The following SHANK1 variants were observed in gnomAD, a reference collection of about 807,000 sequenced individuals.
The protein encoded by SHANK1 is SH3 and multiple ankyrin repeat domains protein 1.
A neutral mutation model predicts 165.6 loss-of-function variants in SHANK1; 35 were observed. The ratio of observed to expected loss-of-function variants is 0.21; its 90% confidence interval spans 0.16 to 0.28. The LOEUF is 0.28. Among genes scored for constraint, SHANK1 ranks in the 10% least tolerant of loss-of-function variants. SHANK1 has a pLI of 1.00. For missense variants in SHANK1, 2,681 were observed against 3,036.4 expected, an observed-to-expected ratio of 0.88 and a Z score of 2.75; for synonymous variants, 1,428 against 1,384.8, an observed-to-expected ratio of 1.03 and a Z score of -0.69.
intron 7 of SHANK1, 44 bp from the exon 8 acceptor site, chr19:50,711,531 G>A (rs755461433): frequency 4.9e-6 from 7 of 1,415,202 alleles, no homozygotes; most frequent in East Asian, 4.9e-5. Flanking sequence ...GACCCAGGCT[G>A]TTCTCCCTCT....
chr19:50,703,441 G>A (rs955001052), intron 11 of SHANK1, 59 bp downstream of exon 11: 36 of 1,434,056 alleles, frequency 2.5e-5, no homozygotes, highest in Non-Finnish European at 2.7e-5. Flanking sequence ...GGAAGCCGCC[G>A]ATCTGGAGAG....
chr19:50,689,001 G>C (rs769998003), intron 16 of SHANK1, 33 bp from the exon 17 acceptor site: 59 of 1,477,352 alleles, frequency 4.0e-5, no homozygotes, highest in Admixed American at 6.0e-5. Context: ...GGGGTCGGAG[G>C]GGAGGGGGTG....
rs2089099057 is a variant in SHANK1 at position 50,718,831 on chromosome 19, C to T, written c.-44+575G>A. 2.9e-5 allele frequency among the ~76,000 whole-genome samples: 3 copies of T among 103,108 alleles called. No individual in the cohort carries two copies. The highest frequency in any genetic ancestry group is 6.1e-5 in the Non-Finnish European group (3 of 49,350). 67.6% of individuals were successfully genotyped at this position (103,108 alleles called of 152,430 possible). ...GAGAGGGGCGGGGGGCACCGGGGAG[C>T]AGGAGTCGGGGGCGGGAGCCGAGGG... On this transcript the variant is annotated intron_variant, in intron 1 of 23. Coordinates refer to ENST00000293441, the MANE Select transcript of SHANK1 (RefSeq NM_016148.5). This position sits in a 1 kb window ranked among gnomAD's most constrained non-coding sequence, Gnocchi z 5.1.
intron 16 of SHANK1, 98 bp from the exon 17 acceptor site, chr19:50,689,066 G>C: frequency 8.9e-7 from 1 of 1,124,136 alleles, no homozygotes; most frequent in Non-Finnish European, 1.3e-6. Context: ...CCTCACCGCA[G>C]CTGAGGGACC....
At chr19:50,669,421 C>A in intron 22 of SHANK1, 136 bp from the exon 23 acceptor site, 1 of 643,112 alleles carries the variant, frequency 1.6e-6, no homozygotes, top group Admixed American at 2.6e-5. Context: ...GTGGACTCGC[C>A]CAGCTCTTCC....
intron 8 of SHANK1, among the ~76,000 whole-genome samples, chr19:50,705,341 C>CA (rs555682847): frequency 1.3e-4 from 19 of 150,130 alleles, no homozygotes; most frequent in South Asian, 2.1e-4. Context: ...GACTCTGTCT[C>CA]AAAAAAAAAT....
Position 50,668,359 on chromosome 19 carries a change from C to G in SHANK1, c.3601G>C (p.Ala1201Pro). The change falls in exon 23 of 24, where the codon GCC (alanine) becomes CCC (proline). Residue 1201 changes from alanine to proline, a missense_variant. This residue lies in a region of SHANK1 where 1,713 missense variants were observed against 1,630.2 expected (regional missense o/e 1.05). Coordinates refer to ENST00000293441, the MANE Select transcript of SHANK1 (RefSeq NM_016148.5). ...GGGGGSSPSP[A>P]PAMSPVPPSP... The stretch of plus-strand genomic sequence containing the variant: ...GGGGGCACGGGTGACATGGCCGGGG[C>G]GGGGCTGGGCGAGGAGCCGCCGCCG... 4.0e-6 allele frequency: 5 copies of G among 1,235,890 alleles called. No homozygotes were observed. Among genetic ancestry groups the G allele is most frequent in the Non-Finnish European group, 5.1e-6 (5 of 985,382 alleles). 76.6% of individuals were successfully genotyped at this position (1,235,890 alleles called of 1,614,324 possible).
rs1280693525 is a variant in SHANK1 at position 50,697,983 on chromosome 19, C to A, written c.1748-27G>T. 6.6e-7 allele frequency: 1 copy of A among 1,517,008 alleles called. No homozygotes were observed. The allele number at this position is 1,517,008 out of a possible 1,614,324, so 94.0% of individuals were successfully genotyped here. The stretch of plus-strand genomic sequence containing the variant: ...TGGATGGGGAACGGGGACATAGAGA[C>A]ATTTCTGTGTTTCTGTGCTGCCCCT... On this transcript the variant is annotated intron_variant, in intron 12 of 23. Coordinates refer to ENST00000293441, the MANE Select transcript of SHANK1 (RefSeq NM_016148.5). The surrounding 1 kb of genome is among the most constrained non-coding windows in gnomAD (Gnocchi z 4.7).
intron 22 of SHANK1, among the ~76,000 whole-genome samples, 159 bp downstream of exon 22, chr19:50,671,859 C>A (rs1379079779): frequency 1.3e-5 from 2 of 152,168 alleles, no homozygotes; most frequent in Non-Finnish European, 2.9e-5. Context: ...GGATTCATGG[C>A]CAAGTTCACC....
At chr19:50,704,328 A>C in intron 9 of SHANK1, 109 bp downstream of exon 9, 1 of 1,328,330 alleles carries the variant, frequency 7.5e-7, no homozygotes, top group South Asian at 1.2e-5. Context: ...CTCCCCCTCC[A>C]CGGCCTGTCT....
At chr19:50,689,309 T>A (rs765799839) in intron 15 of SHANK1, 30 bp from the exon 16 acceptor site, 14 of 1,037,150 alleles carry the variant, frequency 1.3e-5, no homozygotes, top group South Asian at 1.2e-4. Flanking sequence ...AATGGGGGGG[T>A]GGTGGGGGGA....
chr19:50,704,882 G>A (rs1333234702), intron 8 of SHANK1, among the ~76,000 whole-genome samples: 3 of 151,270 alleles, frequency 2.0e-5, no homozygotes, highest in East Asian at 2.0e-4. Context: ...GACGCCCCCC[G>A]TCTCTACAAA....
intron 15 of SHANK1, among the ~76,000 whole-genome samples, chr19:50,689,618 C>T (rs1986480534): frequency 6.6e-6 from 1 of 152,176 alleles, no homozygotes; most frequent in African/African-American, 2.4e-5. Flanking sequence ...CTGCTAGTCA[C>T]TTCCTGCCTA....
Position 50,713,840 on chromosome 19 carries a change from T to C in SHANK1, c.750A>G (p.Ala250=), listed in dbSNP as rs2089037421. Residue 250 remains alanine, a synonymous_variant, in exon 6 of 24, where the codon GCA becomes GCG. Coordinates refer to ENST00000293441, the MANE Select transcript of SHANK1 (RefSeq NM_016148.5). The surrounding 1 kb of genome is among the most constrained non-coding windows in gnomAD (Gnocchi z 6.2). ...GTCGGGCGCATGCGGCCTTATGCAG[T>C]GCGGTCATGCCATCCCGGGCCCGGA... is the stretch of plus-strand genomic sequence containing the variant. ...IDFRARDGMT[A]LHKAACARHC... 1 of 1,613,728 alleles carries C rather than the reference T, an allele frequency of 6.2e-7. No individual in the cohort carries two copies. Among genetic ancestry groups the C allele is most frequent in the Non-Finnish European group, 8.5e-7 (1 of 1,179,996 alleles).
intron 23 of SHANK1, among the ~76,000 whole-genome samples, chr19:50,664,133 T>C (rs1985388898): frequency 6.6e-6 from 1 of 151,036 alleles, no homozygotes; most frequent in Non-Finnish European, 1.5e-5. Context: ...TTTTTTTTTT[T>C]TTTTCAACCT....
chr19:50,677,271 G>A (rs748991739), intron 21 of SHANK1, among the ~76,000 whole-genome samples: 1 of 151,812 alleles, frequency 6.6e-6, no homozygotes, highest in Non-Finnish European at 1.5e-5. Context: ...GAGACTATAG[G>A]TTCCCACCAC....
In SHANK1 at chr19:50,671,934, CA is replaced by C. The variant is rs1985806079; in HGVS notation, c.2674+83del. ...CTATGGTCTCTCTGGGAGCACAGAA[CA>C]TTTCCAAGTCTGCTTGCTTTTCCTG... On this transcript the variant is annotated intron_variant, in intron 22 of 23. Transcript: ENST00000293441. The C allele has an allele frequency of 4.8e-5, 50 of 1,032,370 alleles. No individual in the cohort carries two copies. The East Asian group carries it at 1.3e-3, about 26-fold the overall frequency. The allele number at this position is 1,032,370 out of a possible 1,614,324, so 64.0% of individuals were successfully genotyped here.
intron 12 of SHANK1, among the ~76,000 whole-genome samples, chr19:50,698,337 C>A (rs1403498902): frequency 1.3e-5 from 2 of 152,148 alleles, no homozygotes; most frequent in African/African-American, 2.4e-5. Context: ...TTCTACCTCA[C>A]CCTCCCATCA....
At chr19:50,693,231 C>T (rs919417180) in intron 15 of SHANK1, among the ~76,000 whole-genome samples, 2 of 142,054 alleles carry the variant, frequency 1.4e-5, no homozygotes, top group Admixed American at 1.4e-4. Context: ...TACCCCCCCA[C>T]ATTCCCTGAA....
Sources: gnomAD v4.1 joint callset for allele counts (sites outside exome capture counted in the v4.1 genomes callset) on GRCh38, gnomAD v4.1.1 for gene constraint, gnomAD v4.1.1 regional missense constraint, Gnocchi (gnomAD v3.1) non-coding constraint, MANE v1.5 for transcripts, NCBI Gene and HGNC (gene_info 2026-07-23, HGNC 2026-07-21) for gene names.